NME7: variants seen among roughly 807,000 people sequenced by gnomAD.
NME7 encodes nucleoside diphosphate kinase 7.
In NME7, 41 loss-of-function variants were observed where a neutral mutation model predicts 49.1. The observed-to-expected ratio is 0.83, with a 90% confidence interval of 0.65 to 1.08. The LOEUF (loss-of-function observed/expected upper bound fraction) is 1.08, where lower values mean the gene tolerates loss of function less well. Ranked by LOEUF, NME7 falls within the 50% of genes least tolerant of loss-of-function variation. NME7 has a pLI of 0.00. For missense variants in NME7, 423 were observed against 463.4 expected, an observed-to-expected ratio of 0.91 and a Z score of 0.80; for synonymous variants, 139 against 150.6, an observed-to-expected ratio of 0.92 and a Z score of 0.56.
chr1:169,134,293 C>T (rs1332561214), intron 11 of NME7, among the ~76,000 whole-genome samples: 1 of 152,210 alleles, frequency 6.6e-6, no homozygotes, highest in Non-Finnish European at 1.5e-5. Flanking sequence ...CTCTTCAATA[C>T]ATTTATTATT....
chr1:169,361,046 T>C (rs1653633339), intron 1 of NME7, among the ~76,000 whole-genome samples: 1 of 152,172 alleles, frequency 6.6e-6, no homozygotes, highest in Non-Finnish European at 1.5e-5. Flanking sequence ...TCTCCATAAA[T>C]TCCATGAGTT....
At chr1:169,174,132 T>C (rs1055484478) in intron 10 of NME7, among the ~76,000 whole-genome samples, 3 of 152,146 alleles carry the variant, frequency 2.0e-5, no homozygotes, top group African/African-American at 7.2e-5. Context: ...GGAGGAAGAA[T>C]TCTGACTTAT....
chr1:169,296,769 A>G (rs1023664458), intron 6 of NME7, among the ~76,000 whole-genome samples: 7 of 152,136 alleles, frequency 4.6e-5, no homozygotes, highest in African/African-American at 1.7e-4. Flanking sequence ...ACTTTGGAGT[A>G]ATACTTGGTA....
intron 10 of NME7, among the ~76,000 whole-genome samples, chr1:169,180,968 G>A (rs1376166863): frequency 1.3e-5 from 2 of 152,064 alleles, no homozygotes; most frequent in Non-Finnish European, 2.9e-5. Flanking sequence ...TCCCAGGACC[G>A]AGGTTTAACT....
chr1:169,203,614 T>C (rs1660604926), intron 10 of NME7, among the ~76,000 whole-genome samples: 2 of 152,130 alleles, frequency 1.3e-5, no homozygotes, highest in Admixed American at 6.5e-5. Flanking sequence ...CTCCGTAGAA[T>C]GGCCAGAACC....
At chr1:169,244,451 G>A (rs12730920) in intron 7 of NME7, among the ~76,000 whole-genome samples, 37,064 of 151,586 alleles carry the variant, frequency 0.24, 5,465 homozygotes, top group Non-Finnish European at 0.34. Flanking sequence ...GGCTAACACG[G>A]TGAAACCTCA....
At chr1:169,230,641 C>G in intron 10 of NME7, 77 bp downstream of exon 10, 1 of 863,084 alleles carries the variant, frequency 1.2e-6, no homozygotes, top group Non-Finnish European at 1.7e-6. Context: ...CTTAAAGGAA[C>G]AAACGAAAAA....
chr1:169,355,236 A>AAT (rs1383879972), intron 1 of NME7, among the ~76,000 whole-genome samples: 6 of 76,888 alleles, frequency 7.8e-5, no homozygotes, highest in Non-Finnish European at 1.2e-4. Context: ...TATAATATAT[A>AAT]ATATATTATA....
At chr1:169,269,538 C>T (rs1649421930) in intron 7 of NME7, among the ~76,000 whole-genome samples, 1 of 133,750 alleles carries the variant, frequency 7.5e-6, no homozygotes, top group African/African-American at 2.5e-5. Context: ...AAGCTGAGCA[C>T]TTAACTGATT....
intron 11 of NME7, among the ~76,000 whole-genome samples, chr1:169,136,965 T>C (rs746471642): frequency 1.8e-4 from 28 of 152,258 alleles, no homozygotes; most frequent in Non-Finnish European, 3.4e-4. Flanking sequence ...AGAGTACAGA[T>C]GTGCTTGAAC....
At chr1:169,271,249 G>A (rs1649482112) in intron 7 of NME7, among the ~76,000 whole-genome samples, 1 of 133,032 alleles carries the variant, frequency 7.5e-6, no homozygotes, top group African/African-American at 2.5e-5. Flanking sequence ...ACTACTACTT[G>A]TGCCAAGAAG....
At chr1:169,260,522 T>A (rs1287293536) in intron 7 of NME7, among the ~76,000 whole-genome samples, 1 of 131,020 alleles carries the variant, frequency 7.6e-6, no homozygotes, top group East Asian at 2.0e-4. Flanking sequence ...TAAAGTAACA[T>A]CATGTGTTCT....
intron 1 of NME7, among the ~76,000 whole-genome samples, chr1:169,348,787 T>C (rs1653041764): frequency 2.0e-5 from 3 of 152,038 alleles, no homozygotes; most frequent in African/African-American, 7.2e-5. Flanking sequence ...AAAATATGAA[T>C]TATGAATTCC....
chr1:169,326,627 G>A (rs1652068744), intron 1 of NME7, among the ~76,000 whole-genome samples: 1 of 152,174 alleles, frequency 6.6e-6, no homozygotes, highest in African/African-American at 2.4e-5. Flanking sequence ...CCAAGCTAGT[G>A]CTGTTTCCTC....
chr1:169,309,917 A>AT, intron 4 of NME7, 53 bp downstream of exon 4: 1 of 1,042,152 alleles, frequency 9.6e-7, no homozygotes, highest in South Asian at 1.5e-5. Context: ...ACAGAAAATG[A>AT]TTTTTTAAAA....
chr1:169,330,608 G>A (rs988790410), intron 1 of NME7, among the ~76,000 whole-genome samples: 26 of 152,108 alleles, frequency 1.7e-4, no homozygotes, highest in African/African-American at 6.3e-4. Context: ...GAACCCGGGA[G>A]GAGGAGATTG....
rs116987254 is a variant in NME7 at position 169,203,188 on chromosome 1, T to C, written c.990+27530A>G. Among the ~76,000 whole-genome samples, 647 of 152,168 alleles carry C rather than the reference T, an allele frequency of 4.3e-3. 5 individuals are homozygous for C. Among genetic ancestry groups the C allele is most frequent in the Admixed American group, 0.017 (254 of 15,282 alleles). On this transcript the variant is annotated intron_variant, in intron 10 of 11. Transcript: ENST00000367811. Reference sequence around the variant, plus strand: ...GGGGAACAAAGAAATATGGAGTAAGTCAAGCTAAAGCCTGTATGCACATTA... The same window carrying C: ...GGGGAACAAAGAAATATGGAGTAAGCCAAGCTAAAGCCTGTATGCACATTA...
At chr1:169,257,172 A>G (rs1483999215) in intron 7 of NME7, among the ~76,000 whole-genome samples, 1 of 133,832 alleles carries the variant, frequency 7.5e-6, no homozygotes, top group Non-Finnish European at 1.8e-5. Context: ...CCTCGCTGCC[A>G]CCTTGCAGTT....
At chr1:169,224,003 T>A (rs1661225562) in intron 10 of NME7, among the ~76,000 whole-genome samples, 1 of 152,200 alleles carries the variant, frequency 6.6e-6, no homozygotes, top group Admixed American at 6.5e-5. Flanking sequence ...GTCTTTAATT[T>A]ATCTAGTTAT....
Sources: allele counts gnomAD v4.1 joint callset (sites outside exome capture counted in the v4.1 genomes callset), GRCh38; gene constraint gnomAD v4.1.1; transcripts MANE v1.5; gene names NCBI Gene and HGNC (gene_info 2026-07-23, HGNC 2026-07-21).